NOS3: variants seen among roughly 807,000 people sequenced by gnomAD.
NOS3 encodes NOS type III.
A neutral mutation model predicts 144.9 loss-of-function variants in NOS3; 98 were observed. The observed-to-expected ratio is 0.68, with a 90% CI of 0.57 to 0.80. The LOEUF is 0.80. Among genes scored for constraint, NOS3 ranks in the 30% least tolerant of loss-of-function variants. The pLI, the probability that NOS3 is intolerant of heterozygous loss-of-function variation, is 0.00. For missense variants in NOS3, 1,465 were observed against 1,656.4 expected (o/e 0.88, Z 2.01); for synonymous variants, 714 against 702.4 (o/e 1.02, Z -0.26).
In NOS3 at chr7:151,003,440, C is replaced by G. The variant is rs1432368886; in HGVS notation, c.1752+1136C>G. 1 of 1,216,516 alleles carries G rather than the reference C, an allele frequency of 8.2e-7. No individual in the cohort carries two copies. The highest frequency in any genetic ancestry group is 1.1e-6 in the Non-Finnish European group (1 of 951,294). The allele number at this position is 1,216,516 out of a possible 1,614,324, so 75.4% of individuals were successfully genotyped here. A position where few individuals can be genotyped will look rare whatever the true frequency, so the allele number is the denominator to read the frequency against. The stretch of plus-strand genomic sequence containing the variant: ...TGCACCTGGCCCTCAGTATCTTAAG[C>G]AAGTTGGAATCTCGTGAAACCCTTT... On this transcript the variant is annotated intron_variant, in intron 14 of 26. Coordinates refer to ENST00000297494, the MANE Select transcript of NOS3 (RefSeq NM_000603.5). The surrounding 1 kb of genome is among the most constrained non-coding windows in gnomAD (Gnocchi z 4.1).
chr7:150,995,502 C>A lies in NOS3; in HGVS notation c.270+188C>A, dbSNP rs530389255. Among the ~76,000 whole-genome samples, 11 of 151,232 alleles carry A rather than the reference C, an allele frequency of 7.3e-5. No homozygotes were observed. The East Asian group carries it at 1.6e-3, about 22-fold the overall frequency. ...ACGGGACTTGGGTGACCCTCAGCCTCCAGCCTTACCCCCAACCCTGGCTCA... is the reference window on the plus strand; with the variant it reads ...ACGGGACTTGGGTGACCCTCAGCCTACAGCCTTACCCCCAACCCTGGCTCA... On this transcript the variant is annotated intron_variant, in intron 3 of 26. Coordinates refer to ENST00000297494, the MANE Select transcript of NOS3 (RefSeq NM_000603.5).
chr7:150,999,151 C>T, intron 8 of NOS3, 39 bp from the exon 9 acceptor site: 3 of 1,611,070 alleles, frequency 1.9e-6, no homozygotes, highest in South Asian at 1.1e-5. Flanking sequence ...CAAGAAGGGC[C>T]TGCAAGGGGG....
At chr7:151,008,813 TCAGCCACTGGGGCTGCCAAC>T (rs1795244867) in intron 17 of NOS3, 97 bp from the exon 18 acceptor site, 2 of 1,224,198 alleles carry the variant, frequency 1.6e-6, no homozygotes, top group African/African-American at 3.1e-5. Flanking sequence ...GGCGCCGGCC[TCAGCCACTGGGGCTGCCAAC>T]CCCCCAGGAG....
intron 14 of NOS3, among the ~76,000 whole-genome samples, chr7:151,006,130 T>TA (rs3918190): frequency 0.018 from 2,698 of 151,504 alleles, 82 homozygotes; most frequent in African/African-American, 0.061. Context: ...CACTTTTACT[T>TA]AAAAAAAAAC....
rs192872815 is a variant in NOS3, at chr7:150,998,821, G to A, written c.817-125G>A. 44 of 1,459,862 alleles carry A rather than the reference G, an allele frequency of 3.0e-5. No homozygotes were observed. Among genetic ancestry groups the A allele is most frequent in the Admixed American group, 2.8e-4 (13 of 46,258 alleles). The allele number at this position is 1,459,862 out of a possible 1,614,324, so 90.4% of individuals were successfully genotyped here. On this transcript the variant is annotated intron_variant, in intron 7 of 26. Transcript: ENST00000297494. This position sits in a 1 kb window ranked among gnomAD's most constrained non-coding sequence, Gnocchi z 5.0. ...GAAAAACACCAAAGGAGGGGTGCCT[G>A]GGTGGTCACGGAGACCCAGCCAATG... is the stretch of plus-strand genomic sequence containing the variant.
rs1437398734 is a variant in NOS3 at position 151,001,386 on chromosome 7, G to A, written c.1389G>A (p.Glu463=). ...GCCTCACTCCTGTTTTCCATCAGGA[G>A]ATGGTCAACTATTTCCTGTCCCCGG... The part of the protein sequence containing the change: ...SGSLTPVFHQ[E]MVNYFLSPAF... Residue 463 remains glutamate, a synonymous_variant, in exon 11 of 27, where the codon GAG becomes GAA. Transcript: ENST00000297494. The A allele has an allele frequency of 1.2e-6, 2 of 1,608,058 alleles. No individual in the cohort carries two copies. Among genetic ancestry groups the A allele is most frequent in the South Asian group, 2.2e-5 (2 of 90,396 alleles).
At position 151,010,204 on chromosome 7, in the gene NOS3, C is replaced by G; in HGVS notation, c.2602C>G (p.Pro868Ala). Residue 868 changes from proline to alanine, a missense_variant, in exon 21 of 27, where the codon CCA (proline) becomes GCA (alanine). By Grantham distance (27) the Pro-to-Ala change is conservative. Around this residue, in one of 5 missense-constraint regions of NOS3, gnomAD observed 745 missense variants for 853.9 expected, o/e 0.87. Coordinates refer to ENST00000297494, the MANE Select transcript of NOS3 (RefSeq NM_000603.5). ...ALTFFLDITS[P>A]PSPQLLRLLS... ...CACCTTCTTCCTGGACATCACCTCCCCACCCAGCCCTCAGCTCTTGCGGCT... is the reference window on the plus strand; with the variant it reads ...CACCTTCTTCCTGGACATCACCTCCGCACCCAGCCCTCAGCTCTTGCGGCT... The G allele has an allele frequency of 6.2e-7, 1 of 1,612,482 alleles. No homozygotes were observed. Among genetic ancestry groups the G allele is most frequent in the Admixed American group, 1.7e-5 (1 of 60,022 alleles).
intron 23 of NOS3, chr7:151,011,934 C>T: frequency 3.0e-6 from 1 of 328,938 alleles, no homozygotes; most frequent in East Asian, 9.2e-5. Context: ...AGTTCCTAGG[C>T]TGCCATCAGC....
At chr7:151,005,451 A>T (rs759477172) in intron 14 of NOS3, among the ~76,000 whole-genome samples, 1 of 152,136 alleles carries the variant, frequency 6.6e-6, no homozygotes, top group Non-Finnish European at 1.5e-5. Context: ...AACCTGCACA[A>T]TGTCTGCTAG....
chr7:150,996,949 G>C (rs906817746), intron 5 of NOS3, 24 bp downstream of exon 5: 2 of 1,544,760 alleles, frequency 1.3e-6, no homozygotes, highest in African/African-American at 2.7e-5. Flanking sequence ...GCGACTGAGA[G>C]ACCCGGGCGC....
Position 151,014,289 on chromosome 7 carries a change from GCTGCAAGGATTCAGC to G in NOS3, c.*121_*135del. On this transcript the variant is annotated 3_prime_UTR_variant, in exon 27 of 27. Coordinates refer to ENST00000297494, the MANE Select transcript of NOS3 (RefSeq NM_000603.5). ...GGTGCCTTCTCACATCTGTCCAGAG[GCTGCAAGGATTCAGC>G]ATTATTCCTCCAGGAAGGAGCAAAA... 1 of 1,049,816 alleles carries G rather than the reference GCTGCAAGGATTCAGC, an allele frequency of 9.5e-7. No individual in the cohort carries two copies. Among genetic ancestry groups the G allele is most frequent in the Admixed American group, 2.7e-5 (1 of 36,584 alleles). 65.0% of individuals were successfully genotyped at this position (1,049,816 alleles called of 1,614,324 possible).
chr7:151,000,646 G>A, intron 10 of NOS3, 47 bp downstream of exon 10: 2 of 1,270,906 alleles, frequency 1.6e-6, no homozygotes, highest in East Asian at 4.7e-5. Context: ...TTGCATACGG[G>A]GGCAGCAGGG....
intron 20 of NOS3, among the ~76,000 whole-genome samples, 174 bp downstream of exon 20, chr7:151,009,759 T>C (rs1795266233): frequency 6.6e-6 from 1 of 152,154 alleles, no homozygotes; most frequent in South Asian, 2.1e-4. Flanking sequence ...GCCTTGTTGC[T>C]GGACCATCCC....
intron 1 of NOS3, among the ~76,000 whole-genome samples, chr7:150,992,309 A>C (rs1800783): frequency 4.6e-5 from 7 of 151,938 alleles, no homozygotes; most frequent in Non-Finnish European, 5.9e-5. Context: ...CAGACTTGGG[A>C]TCTGTTGTCT....
rs1802424703 is a variant in NOS3 at position 150,996,418 on chromosome 7, C to T, written c.285C>T (p.Thr95=). ...CCTCGACCCAGGATGGGCCCTGCAC[C>T]CCAAGACGCTGCCTGGGCTCCCTGG... The part of the protein sequence containing the change: ...SAQAQQDGPC[T]PRRCLGSLVF... Residue 95 remains threonine, a synonymous_variant, in exon 4 of 27, where the codon ACC becomes ACT. Transcript: ENST00000297494. The T allele has an allele frequency of 6.5e-7, 1 of 1,538,154 alleles. No homozygotes were observed.
chr7:150,996,369 T>TGG lies in NOS3; in HGVS notation c.271-34_271-33dup, dbSNP rs1482408374. The stretch of plus-strand genomic sequence containing the variant: ...CAACTCCCATCCCACCCCTGCACCC[T>TGG]GGCCTGTCCTGACCTTTGCACTCCC... On this transcript the variant is annotated intron_variant, in intron 3 of 26. Transcript: ENST00000297494. 4.3e-6 allele frequency: 3 copies of TGG among 703,696 alleles called. No individual in the cohort carries two copies. In the African/African-American group the frequency reaches 1.4e-4, roughly 32 times the overall value. 43.6% of individuals were successfully genotyped at this position (703,696 alleles called of 1,614,324 possible).
rs1356691230 is a variant in NOS3 at position 151,010,644 on chromosome 7, G to T, written c.2733G>T (p.Leu911=). The T allele has an allele frequency of 6.2e-7, 1 of 1,605,644 alleles. No individual in the cohort carries two copies. The change falls in exon 22 of 27, where the codon CTG becomes CTT. Residue 911 remains leucine, a synonymous_variant. Transcript: ENST00000297494. ...GGAAGTGGTTCCGCTGCCCCACGCT[G>T]CTGGAGGTGCTGGAGCAGTTCCCGT... ...EEWKWFRCPT[L]LEVLEQFPSV...
At chr7:151,012,091 C>T (rs1405357048) in intron 23 of NOS3, 1 of 435,326 alleles carries the variant, frequency 2.3e-6, no homozygotes, top group East Asian at 3.8e-5. Flanking sequence ...GTCTTTCACC[C>T]TTCCCACGTT....
In NOS3 at chr7:151,002,058, C is replaced by G. The variant is rs1795117093; in HGVS notation, c.1647+93C>G. The G allele has an allele frequency of 6.5e-7, 1 of 1,540,342 alleles. No individual in the cohort carries two copies. Among genetic ancestry groups the G allele is most frequent in the African/African-American group, 1.4e-5 (1 of 73,114 alleles). On this transcript the variant is annotated intron_variant, in intron 13 of 26. Transcript: ENST00000297494. This position sits in a 1 kb window ranked among gnomAD's most constrained non-coding sequence, Gnocchi z 4.1. ...CTGGAGGACAGGAAGTGTTACAAGT[C>G]AGGACTCATGAGGAACCCGGAACCA...
Sources: gnomAD v4.1 joint callset for allele counts (sites outside exome capture counted in the v4.1 genomes callset) on GRCh38, gnomAD v4.1.1 for gene constraint, gnomAD v4.1.1 regional missense constraint, Gnocchi (gnomAD v3.1) non-coding constraint, MANE v1.5 for transcripts, NCBI Gene and HGNC (gene_info 2026-07-23, HGNC 2026-07-21) for gene names.